The following DDX10 variants were observed in gnomAD, a reference collection of about 807,000 sequenced individuals.
DDX10 encodes the protein probable ATP-dependent RNA helicase DDX10.
Under a neutral mutation model 104.3 loss-of-function variants are expected in DDX10, and 74 were observed. The observed-to-expected ratio is 0.71, with a 90% confidence interval of 0.59 to 0.86. The LOEUF (loss-of-function observed/expected upper bound fraction) is 0.86, where lower values mean the gene tolerates loss of function less well. DDX10 is among the 40% of genes least tolerant of loss of function. The pLI is 0.00. For missense variants in DDX10, 952 were observed against 1,040.0 expected (o/e 0.92, Z 1.16); for synonymous variants, 351 against 353.4 (o/e 0.99, Z 0.08).
chr11:108,681,263 A>G (rs78804195), intron 6 of DDX10, among the ~76,000 whole-genome samples: 226 of 152,326 alleles, frequency 1.5e-3, no homozygotes, highest in African/African-American at 5.2e-3. Flanking sequence ...GAAAAAAACT[A>G]CAAAGACTTT....
At chr11:108,867,891 A>G (rs966143764) in intron 16 of DDX10, among the ~76,000 whole-genome samples, 1 of 152,182 alleles carries the variant, frequency 6.6e-6, no homozygotes, top group Non-Finnish European at 1.5e-5. Context: ...TAACACTGAT[A>G]GTTATAATGC....
At chr11:108,700,935 A>G (rs2094266956) in intron 9 of DDX10, among the ~76,000 whole-genome samples, 1 of 151,676 alleles carries the variant, frequency 6.6e-6, no homozygotes, top group South Asian at 2.1e-4. Context: ...TTCTCTGTGA[A>G]CCCCATAAAT....
At chr11:108,804,644 C>T (rs1464514665) in intron 13 of DDX10, among the ~76,000 whole-genome samples, 2 of 152,104 alleles carry the variant, frequency 1.3e-5, no homozygotes, top group Non-Finnish European at 2.9e-5. Context: ...CATAAGGCTG[C>T]AATTAAGTGT....
At chr11:108,768,766 T>C (rs1188108497) in intron 13 of DDX10, among the ~76,000 whole-genome samples, 1 of 152,194 alleles carries the variant, frequency 6.6e-6, no homozygotes, top group Non-Finnish European at 1.5e-5. Context: ...ACTTCCAACA[T>C]TAGTTGTTAT....
chr11:108,913,910 C>T (rs976121668), intron 16 of DDX10, among the ~76,000 whole-genome samples: 1 of 152,160 alleles, frequency 6.6e-6, no homozygotes, highest in Non-Finnish European at 1.5e-5. Context: ...TCACATTATA[C>T]TTTCCATAAT....
At chr11:108,914,835 TAAAA>T (rs10624451) in intron 16 of DDX10, among the ~76,000 whole-genome samples, 1 of 144,296 alleles carries the variant, frequency 6.9e-6, no homozygotes, top group African/African-American at 2.6e-5. Context: ...TGGTAACCAT[TAAAA>T]AAAAAAAAAA....
chr11:108,816,906 A>T (rs1455689555), intron 13 of DDX10, among the ~76,000 whole-genome samples: 1 of 152,036 alleles, frequency 6.6e-6, no homozygotes, highest in Non-Finnish European at 1.5e-5. Context: ...GCTCCTATTA[A>T]ATCTTCATAG....
intron 16 of DDX10, among the ~76,000 whole-genome samples, chr11:108,864,858 AATG>A (rs1862988658): frequency 6.6e-6 from 1 of 152,112 alleles, no homozygotes; most frequent in Admixed American, 6.6e-5. Context: ...TATGAGGGTA[AATG>A]TAAGCCCAGT....
At chr11:108,818,467 A>G (rs1411628654) in intron 13 of DDX10, among the ~76,000 whole-genome samples, 2 of 152,242 alleles carry the variant, frequency 1.3e-5, no homozygotes, top group Non-Finnish European at 2.9e-5. Context: ...GTTTCATAAC[A>G]TAACTCCAGG....
chr11:108,719,973 T>C, intron 12 of DDX10, 88 bp downstream of exon 12: 1 of 852,494 alleles, frequency 1.2e-6, no homozygotes, highest in Non-Finnish European at 1.9e-6. Context: ...CTTGCTATGT[T>C]GCCCAGGCTG....
intron 17 of DDX10, among the ~76,000 whole-genome samples, chr11:108,936,732 A>G (rs1044696549): frequency 1.4e-4 from 21 of 152,144 alleles, no homozygotes; most frequent in African/African-American, 5.1e-4. Flanking sequence ...GGGATTTCTA[A>G]CTTTCTGAAA....
At position 108,712,336 on chromosome 11, in the gene DDX10, C is replaced by T. The variant is rs555489166; in HGVS notation, c.1323-3543C>T. 9.2e-5 allele frequency among the ~76,000 whole-genome samples: 14 copies of T among 152,172 alleles called. No homozygotes were observed. The South Asian group carries it at 2.3e-3, about 25-fold the overall frequency. ...TAGTTGGATGAATATCTAATGTATT[C>T]GTTACTGTTTTTTGTTAGTTGCCCC... On this transcript the variant is annotated intron_variant, in intron 10 of 17. Transcript: ENST00000322536.
At chr11:108,751,580 GA>G (rs2094338748) in intron 13 of DDX10, among the ~76,000 whole-genome samples, 1 of 152,140 alleles carries the variant, frequency 6.6e-6, no homozygotes. Flanking sequence ...ACTCTGAGAA[GA>G]GGCCTGTAGA....
At chr11:108,829,680 T>G (rs1342428252) in intron 13 of DDX10, among the ~76,000 whole-genome samples, 2 of 152,350 alleles carry the variant, frequency 1.3e-5, no homozygotes, top group African/African-American at 2.4e-5. Flanking sequence ...TAGAAGGGTT[T>G]TTCCGATGTT....
At chr11:108,929,976 G>T (rs1863956413) in intron 17 of DDX10, among the ~76,000 whole-genome samples, 1 of 152,104 alleles carries the variant, frequency 6.6e-6, no homozygotes, top group Non-Finnish European at 1.5e-5. Context: ...TGGTAAATTT[G>T]TTACAATTGA....
At chr11:108,885,499 A>G (rs1332866098) in intron 16 of DDX10, among the ~76,000 whole-genome samples, 2 of 151,902 alleles carry the variant, frequency 1.3e-5, no homozygotes, top group African/African-American at 4.8e-5. Context: ...CTGGGATTAC[A>G]GGTGCCCGCC....
chr11:108,904,894 G>A (rs1464720612), intron 16 of DDX10, among the ~76,000 whole-genome samples: 2 of 152,090 alleles, frequency 1.3e-5, no homozygotes, highest in Admixed American at 6.5e-5. Flanking sequence ...CTGTTTTTCT[G>A]CTTCTGAGCA....
chr11:108,695,155 TAGAG>T lies in DDX10; in HGVS notation c.1223+1558_1223+1561del, dbSNP rs577993478. Among the ~76,000 whole-genome samples the T allele has an allele frequency of 4.5e-4, 69 of 152,262 alleles. 1 individual carries two copies. The highest frequency in any genetic ancestry group is 1.3e-3 in the Admixed American group (20 of 15,296). On this transcript the variant is annotated intron_variant, in intron 9 of 17. Coordinates refer to ENST00000322536, the MANE Select transcript of DDX10 (RefSeq NM_004398.4). The stretch of plus-strand genomic sequence containing the variant: ...CATCCAGAAATGGATCTTAAGAAAA[TAGAG>T]AGCTGAATAAAGTTTCAATGTACAT...
chr11:108,928,426 G>T (rs1221274613), intron 17 of DDX10, among the ~76,000 whole-genome samples: 1 of 152,152 alleles, frequency 6.6e-6, no homozygotes, highest in Non-Finnish European at 1.5e-5. Flanking sequence ...TGAACCGAGA[G>T]ACTGAATGCC....
Sources: allele counts gnomAD v4.1 joint callset (sites outside exome capture counted in the v4.1 genomes callset), GRCh38; gene constraint gnomAD v4.1.1; transcripts MANE v1.5; gene names NCBI Gene and HGNC (gene_info 2026-07-23, HGNC 2026-07-21).